The following USP20 variants were observed in gnomAD, a reference collection of about 807,000 sequenced individuals.
USP20 encodes the protein ubiquitin specific peptidase 20.
A neutral mutation model predicts 124.2 loss-of-function variants in USP20; 80 were observed. The observed-to-expected ratio is 0.64, with a 90% confidence interval of 0.54 to 0.78. The LOEUF (loss-of-function observed/expected upper bound fraction) is 0.78, where lower values mean the gene tolerates loss of function less well. Among genes scored for constraint, USP20 ranks in the 30% least tolerant of loss-of-function variants. USP20 has a pLI of 0.00. For missense variants in USP20, 1,043 were observed against 1,244.4 expected (o/e 0.84, Z 2.44); for synonymous variants, 481 against 512.3 (o/e 0.94, Z 0.83).
rs369632172 is a variant in USP20 at position 129,868,236 on chromosome 9, G to A, written c.922G>A (p.Glu308Lys). The change falls in exon 11 of 26, where the codon GAG becomes AAG. Residue 308 changes from glutamate (E) to lysine (K), a missense_variant. Glu to Lys is a moderately conservative substitution (Grantham distance 56). Coordinates refer to ENST00000372429, the MANE Select transcript of USP20 (RefSeq NM_001110303.4). ...QGRGGGSSQA[E>K]TELLIPDEAG... ...GCGTGGCGGGGGCAGCTCGCAGGCC[G>A]AGACGGAGCTGCTGATCCCAGATGA... 126 of 1,613,760 alleles carry A rather than the reference G, an allele frequency of 7.8e-5. No individual in the cohort carries two copies. The highest frequency in any genetic ancestry group is 1.6e-4 in the African/African-American group (12 of 74,912).
intron 1 of USP20, among the ~76,000 whole-genome samples, chr9:129,849,504 A>G (rs1228420598): frequency 1.3e-5 from 2 of 152,192 alleles, no homozygotes; most frequent in African/African-American, 4.8e-5. Context: ...CACGCCTATA[A>G]TCTCAGCACT....
chr9:129,880,014 C>T, intron 24 of USP20, 99 bp from the exon 25 acceptor site: 2 of 1,460,560 alleles, frequency 1.4e-6, no homozygotes, highest in Non-Finnish European at 9.2e-7. Context: ...TGCCGTCTTC[C>T]CGCTTCGGGG....
chr9:129,853,847 C>G (rs1039079512), intron 3 of USP20, among the ~76,000 whole-genome samples: 14 of 152,162 alleles, frequency 9.2e-5, no homozygotes, highest in East Asian at 1.9e-4. Flanking sequence ...CTGGGCCTGG[C>G]AGCCGTTCAG....
rs761872613 is a variant in USP20 at position 129,880,302 on chromosome 9, G to C, written c.*16+13G>C. ...GCTGGGCTAGTCTGTAAGTCGCCCC[G>C]GCTGGTCCCTCCATGGCACTCTGGG... On this transcript the variant is annotated intron_variant, in intron 25 of 25. Transcript: ENST00000372429. 96 of 1,553,988 alleles carry C rather than the reference G, an allele frequency of 6.2e-5. No homozygotes were observed. Among genetic ancestry groups the C allele is most frequent in the Non-Finnish European group, 8.1e-5 (93 of 1,153,434 alleles).
At chr9:129,857,956 G>A (rs369056041) in intron 4 of USP20, 94 bp from the exon 5 acceptor site, 2 of 1,135,612 alleles carry the variant, frequency 1.8e-6, no homozygotes. Flanking sequence ...TTCAGGAGAG[G>A]TAGGGGCACT....
chr9:129,846,241 ATATATATTTTTTTTTTTTT>A, intron 1 of USP20, among the ~76,000 whole-genome samples: 1 of 26,504 alleles, frequency 3.8e-5, no homozygotes, highest in South Asian at 1.7e-3. Context: ...ATATATATAT[ATATATATTTTTTTTTTTTT>A]TTTTTTTTTT....
Position 129,858,517 on chromosome 9 carries a change from T to A in USP20, c.249T>A (p.Cys83Ter). ...TVNLTTFRLW[C>*]YACEKEVFLE... ...ACCTGACCACGTTCCGACTGTGGTG[T>A]TACGCCTGTGAGAAGGAGGTATTCC... Residue 83 changes from cysteine to a stop codon, truncating the protein, a stop_gained, in exon 6 of 26, where the codon TGT (cysteine) becomes TGA (stop). Transcript: ENST00000372429. LOFTEE classifies it high-confidence loss of function. 1 of 1,614,164 alleles carries A rather than the reference T, an allele frequency of 6.2e-7. No individual in the cohort carries two copies. The highest frequency in any genetic ancestry group is 8.5e-7 in the Non-Finnish European group (1 of 1,180,018).
In USP20 at chr9:129,876,246, C is replaced by T. The variant is rs572890538; in HGVS notation, c.2409+8C>T. 44 of 1,603,562 alleles carry T rather than the reference C, an allele frequency of 2.7e-5. No individual in the cohort carries two copies. The highest frequency in any genetic ancestry group is 2.4e-4 in the Admixed American group (14 of 59,094). Reference sequence around the variant, plus strand: ...ATCGACACCTTCATCAAGGTGCGTGCGGCGAGGCGGCGCGGGGGCGGCTCT... The same window carrying T: ...ATCGACACCTTCATCAAGGTGCGTGTGGCGAGGCGGCGCGGGGGCGGCTCT... On this transcript the variant is annotated splice_region_variant and intron_variant, in intron 22 of 25. Coordinates refer to ENST00000372429, the MANE Select transcript of USP20 (RefSeq NM_001110303.4).
chr9:129,876,072 C>T lies in USP20; in HGVS notation c.2301-58C>T, dbSNP rs1412241154. 27 of 1,474,918 alleles carry T rather than the reference C, an allele frequency of 1.8e-5. No homozygotes were observed. In the East Asian group the frequency reaches 6.0e-4, roughly 33 times the overall value. The allele number at this position is 1,474,918 out of a possible 1,614,324, so 91.4% of individuals were successfully genotyped here. On this transcript the variant is annotated intron_variant, in intron 21 of 25. Transcript: ENST00000372429. ...AGGGGGAAGTGGAAGGCAGTGATCA[C>T]TCTCCCCTCCCTGGTACCCCGCTCA...
intron 3 of USP20, among the ~76,000 whole-genome samples, chr9:129,856,093 A>G (rs2033200657): frequency 6.6e-6 from 1 of 152,256 alleles, no homozygotes; most frequent in African/African-American, 2.4e-5. Flanking sequence ...CAGGCACAGG[A>G]TAGAATTCAA....
intron 1 of USP20, among the ~76,000 whole-genome samples, chr9:129,837,270 A>G (rs542819520): frequency 2.0e-5 from 3 of 152,300 alleles, no homozygotes; most frequent in South Asian, 2.1e-4. Context: ...TACAGGTTCT[A>G]TGCAGTTCAA....
In USP20 at chr9:129,879,474, C is replaced by CG; in HGVS notation, c.2513-99_2513-98insG. On this transcript the variant is annotated intron_variant, in intron 23 of 25. Coordinates refer to ENST00000372429, the MANE Select transcript of USP20 (RefSeq NM_001110303.4). The surrounding 1 kb of genome is among the most constrained non-coding windows in gnomAD (Gnocchi z 4.2). The stretch of plus-strand genomic sequence containing the variant: ...TCATCCATTAGAGACTTCACGCTGA[C>CG]CCCCAGGCCTGGGGCGGCCCCACTT... 1 of 1,241,786 alleles carries CG rather than the reference C, an allele frequency of 8.1e-7. No homozygotes were observed. Among genetic ancestry groups the CG allele is most frequent in the Non-Finnish European group, 1.2e-6 (1 of 856,760 alleles). 76.9% of individuals were successfully genotyped at this position (1,241,786 alleles called of 1,614,324 possible).
intron 3 of USP20, 41 bp downstream of exon 3, chr9:129,852,677 G>C: frequency 1.3e-6 from 2 of 1,549,896 alleles, no homozygotes; most frequent in Non-Finnish European, 1.7e-6. Context: ...CCACACCCAG[G>C]GCTGCCTCTT....
intron 15 of USP20, among the ~76,000 whole-genome samples, chr9:129,871,924 C>T (rs1481280282): frequency 1.3e-5 from 2 of 152,026 alleles, no homozygotes; most frequent in African/African-American, 4.8e-5. Flanking sequence ...CCATGTTGGC[C>T]AGGCTGGTCT....
rs1027064809 is a variant in USP20, at chr9:129,881,034, G to C, written c.*584G>C. The C allele has an allele frequency of 6.6e-6, 1 of 152,422 alleles. No homozygotes were observed. The highest frequency in any genetic ancestry group is 1.5e-5 in the Non-Finnish European group (1 of 68,202). The allele number at this position is 152,422 out of a possible 1,614,324, so 9.4% of individuals were successfully genotyped here. A position where few individuals can be genotyped will look rare whatever the true frequency, so the allele number is the denominator to read the frequency against. ...AAGACTCTGGACTCATTGCTGATTGGAACACCAGGAGGAGGTTGGATTTCT... is the reference window on the plus strand; with the variant it reads ...AAGACTCTGGACTCATTGCTGATTGCAACACCAGGAGGAGGTTGGATTTCT... On this transcript the variant is annotated 3_prime_UTR_variant, in exon 26 of 26. Transcript: ENST00000372429.
At position 129,858,123 on chromosome 9, in the gene USP20, T is replaced by C. The variant is rs989238623; in HGVS notation, c.198+11T>C. ...ACCATTCATGCACAGGTGAGTGTGG[T>C]GGCTGAGAGTATGGGCCCTGCAGTT... On this transcript the variant is annotated intron_variant, in intron 5 of 25. Coordinates refer to ENST00000372429, the MANE Select transcript of USP20 (RefSeq NM_001110303.4). The C allele has an allele frequency of 6.2e-7, 1 of 1,613,522 alleles. No homozygotes were observed. Among genetic ancestry groups the C allele is most frequent in the Non-Finnish European group, 8.5e-7 (1 of 1,179,898 alleles).
Position 129,880,102 on chromosome 9 carries a change from G to A in USP20, c.2585-11G>A, listed in dbSNP as rs370266538. 19 of 1,612,406 alleles carry A rather than the reference G, an allele frequency of 1.2e-5. No individual in the cohort carries two copies. The highest frequency in any genetic ancestry group is 3.3e-5 in the South Asian group (3 of 91,062). On this transcript the variant is annotated splice_polypyrimidine_tract_variant and intron_variant, in intron 24 of 25. Transcript: ENST00000372429. ...AAAGGTGAGCCTAGGGGTGCCTCTC[G>A]TGCCCTGCAGGAGCTGACTACGGGC... is the stretch of plus-strand genomic sequence containing the variant.
intron 10 of USP20, 56 bp downstream of exon 10, chr9:129,865,437 C>T: frequency 6.3e-7 from 1 of 1,588,938 alleles, no homozygotes; most frequent in Non-Finnish European, 8.6e-7. Context: ...CCAGGCCTGA[C>T]TTTGACGCCA....
intron 9 of USP20, among the ~76,000 whole-genome samples, chr9:129,863,889 C>T (rs1004825838): frequency 3.3e-5 from 5 of 152,056 alleles, no homozygotes; most frequent in South Asian, 4.2e-4. Context: ...AGGTGGATCA[C>T]GAGGTCAAGA....
Sources: gnomAD v4.1 joint callset for allele counts (sites outside exome capture counted in the v4.1 genomes callset) on GRCh38, gnomAD v4.1.1 for gene constraint, Gnocchi (gnomAD v3.1) non-coding constraint, MANE v1.5 for transcripts, NCBI Gene and HGNC (gene_info 2026-07-23, HGNC 2026-07-21) for gene names.